USH1C: variants seen among roughly 807,000 people sequenced by gnomAD.
USH1C encodes USH1 protein network component harmonin.
A neutral mutation model predicts 119.3 loss-of-function variants in USH1C; 90 were observed. The observed-to-expected ratio is 0.75, with a 90% CI of 0.64 to 0.90. The LOEUF is 0.90. Among genes scored for constraint, USH1C ranks in the 40% least tolerant of loss-of-function variants. The probability of loss-of-function intolerance (pLI) is 0.00; values close to 1 mark genes in which losing one functional copy is unlikely to be tolerated. For synonymous variants in USH1C, 465 were observed against 443.3 expected, an observed-to-expected ratio of 1.05 and a Z score of -0.62; for missense variants, 1,165 against 1,167.7, an observed-to-expected ratio of 1.00 and a Z score of 0.03.
chr11:17,535,679 C>T (rs1364322578), intron 1 of USH1C, among the ~76,000 whole-genome samples: 1 of 152,120 alleles, frequency 6.6e-6, no homozygotes, highest in Non-Finnish European at 1.5e-5. Context: ...AGGGAGGTAA[C>T]CATGGGAACA....
At chr11:17,513,259 A>T (rs1320072579) in intron 15 of USH1C, among the ~76,000 whole-genome samples, 2 of 152,280 alleles carry the variant, frequency 1.3e-5, no homozygotes, top group East Asian at 3.9e-4. Context: ...GCGAGCATTC[A>T]GGAGAGGGGC....
chr11:17,509,247 A>G, intron 18 of USH1C, 109 bp downstream of exon 18: 1 of 1,424,018 alleles, frequency 7.0e-7, no homozygotes, highest in Non-Finnish European at 9.3e-7. Context: ...ATGGGGTGAG[A>G]TGATGTTTCT....
intron 1 of USH1C, among the ~76,000 whole-genome samples, chr11:17,538,742 G>A (rs1370547929): frequency 6.6e-6 from 1 of 152,152 alleles, no homozygotes; most frequent in African/African-American, 2.4e-5. Flanking sequence ...CAGCCATCGG[G>A]AGGCACAAGC....
chr11:17,543,731 G>T (rs943208744), intron 1 of USH1C, among the ~76,000 whole-genome samples: 1 of 152,126 alleles, frequency 6.6e-6, no homozygotes, highest in East Asian at 1.9e-4. Context: ...CCGCACCCGG[G>T]TCAGCACCAG....
chr11:17,539,609 G>C (rs1419098527), intron 1 of USH1C, among the ~76,000 whole-genome samples: 1 of 152,128 alleles, frequency 6.6e-6, no homozygotes, highest in Non-Finnish European at 1.5e-5. Context: ...TGGGCAGCGA[G>C]TGGCCCTCTG....
intron 25 of USH1C, among the ~76,000 whole-genome samples, chr11:17,496,194 CAGAG>C (rs1849243812): frequency 6.6e-6 from 1 of 151,824 alleles, no homozygotes; most frequent in Non-Finnish European, 1.5e-5. Context: ...GAAAGAAAGA[CAGAG>C]AGGGAGGAGG....
chr11:17,495,835 A>T (rs199729056), intron 25 of USH1C, among the ~76,000 whole-genome samples, 158 bp from the exon 26 acceptor site: 1 of 37,318 alleles, frequency 2.7e-5, no homozygotes, highest in African/African-American at 6.7e-5. Context: ...TCTCCAAGAC[A>T]TGTGTAGAGC....
At chr11:17,528,557 C>T (rs895194224) in intron 4 of USH1C, among the ~76,000 whole-genome samples, 4 of 152,232 alleles carry the variant, frequency 2.6e-5, no homozygotes, top group African/African-American at 9.6e-5. Flanking sequence ...CACACGTGCT[C>T]ACCCTTTGGA....
Position 17,531,527 on chromosome 11 carries a change from G to C in USH1C, c.120C>G (p.Ala40=). Residue 40 remains alanine, a synonymous_variant, in exon 3 of 27, where the codon GCC becomes GCG. Transcript: ENST00000005226. The surrounding 1 kb of genome is among the most constrained non-coding windows in gnomAD (Gnocchi z 4.2). Reference sequence around the variant, plus strand: ...CCAGCTTCAGGTCTCCCACGAGCACGGCCACGTCCATGGTCCTGTGGAGAT... The same window carrying C: ...CCAGCTTCAGGTCTCCCACGAGCACCGCCACGTCCATGGTCCTGTGGAGAT... ...LRMYHQTMDV[A]VLVGDLKLVI... 1 of 1,613,390 alleles carries C rather than the reference G, an allele frequency of 6.2e-7. No individual in the cohort carries two copies. The highest frequency in any genetic ancestry group is 1.1e-5 in the South Asian group (1 of 91,040).
At chr11:17,501,634 C>T (rs1849450991) in intron 21 of USH1C, 99 bp from the exon 22 acceptor site, 5 of 1,358,080 alleles carry the variant, frequency 3.7e-6, no homozygotes, top group Non-Finnish European at 5.1e-6. Context: ...GGACACTGGG[C>T]CCCACAGAGC....
chr11:17,510,417 A>G lies in USH1C; in HGVS notation c.1518T>C (p.Asn506=), dbSNP rs2133822025. ...AGGGCTCTGTTACCTCTGAAATCTC[A>G]TTATCAGCAGAGGAAATCTGCTCGA... ...TRLEQISSAD[N]EISEMTTGPP... Residue 506 remains asparagine (N), a synonymous_variant, in exon 17 of 27, where the codon AAT becomes AAC. Coordinates refer to ENST00000005226, the MANE Select transcript of USH1C (RefSeq NM_153676.4). The G allele has an allele frequency of 6.2e-7, 1 of 1,611,170 alleles. No homozygotes were observed. Among genetic ancestry groups the G allele is most frequent in the Non-Finnish European group, 8.5e-7 (1 of 1,178,830 alleles).
At chr11:17,507,770 C>T (rs1195761179) in intron 18 of USH1C, among the ~76,000 whole-genome samples, 1 of 152,118 alleles carries the variant, frequency 6.6e-6, no homozygotes, top group African/African-American at 2.4e-5. Context: ...CTCCCTGCTA[C>T]TCCAACTTGC....
intron 20 of USH1C, among the ~76,000 whole-genome samples, chr11:17,502,905 C>T (rs1318803584): frequency 6.6e-6 from 1 of 152,148 alleles, no homozygotes; most frequent in Admixed American, 6.5e-5. Context: ...TGGCAGGCCT[C>T]GCCAGACTGA....
chr11:17,516,164 A>C (rs1303752168), intron 15 of USH1C, 77 bp downstream of exon 15: 2 of 1,505,490 alleles, frequency 1.3e-6, no homozygotes, highest in African/African-American at 1.4e-5. Flanking sequence ...TGTTGATAGG[A>C]CAAGGAATGT....
At position 17,527,256 on chromosome 11, in the gene USH1C, G is replaced by A. The variant is rs377145777; in HGVS notation, c.463C>T (p.Arg155Ter). The A allele has an allele frequency of 6.8e-6, 11 of 1,610,968 alleles. No individual in the cohort carries two copies. Among genetic ancestry groups the A allele is most frequent in the Non-Finnish European group, 9.3e-6 (11 of 1,179,184 alleles). Reference protein sequence around the residue: ...CTHEEVINLIRTKKTVSIKVR... With the variant: ...CTHEEVINLI ...TTGATGGACACAGTTTTCTTGGTTC[G>A]AATGAGGTTGATGACCTCCTCATGG... Residue 155 changes from arginine to a stop codon, truncating the protein, a stop_gained, in exon 5 of 27, where the codon CGA (arginine) becomes TGA (stop). Transcript: ENST00000005226. LOFTEE classifies it high-confidence loss of function.
chr11:17,496,697 G>T, intron 25 of USH1C, 61 bp downstream of exon 25: 1 of 1,602,044 alleles, frequency 6.2e-7, no homozygotes, highest in South Asian at 1.1e-5. Flanking sequence ...GCTGGAGAAA[G>T]GTGGCTGAGA....
intron 1 of USH1C, among the ~76,000 whole-genome samples, chr11:17,539,120 A>C (rs951224599): frequency 6.6e-6 from 1 of 152,022 alleles, no homozygotes; most frequent in Non-Finnish European, 1.5e-5. Flanking sequence ...CTCCTCCTCT[A>C]TCTTTAAGAC....
At position 17,510,529 on chromosome 11, in the gene USH1C, C is replaced by G. The variant is rs759953340; in HGVS notation, c.1414-8G>C. The G allele has an allele frequency of 1.2e-6, 2 of 1,604,140 alleles. No individual in the cohort carries two copies. Among genetic ancestry groups the G allele is most frequent in the African/African-American group, 2.7e-5 (2 of 74,682 alleles). On this transcript the variant is annotated splice_polypyrimidine_tract_variant and splice_region_variant and intron_variant, in intron 16 of 26. Transcript: ENST00000005226. The stretch of plus-strand genomic sequence containing the variant: ...CCGCTCTGTCTCAGACACCTGGGAC[C>G]CAGGATCGGCGCAGAAAGGAGAGGA...
rs942402490 is a variant in USH1C, at chr11:17,504,573, G to C, written c.2184+74C>G. On this transcript the variant is annotated intron_variant, in intron 20 of 26. Coordinates refer to ENST00000005226, the MANE Select transcript of USH1C (RefSeq NM_153676.4). ...GGACCTGACCAGGTACTCCCAGAGA[G>C]AAAGAAGTGGCACAGAGTGGGAGGG... 2.0e-6 allele frequency: 3 copies of C among 1,538,298 alleles called. No individual in the cohort carries two copies. In the African/African-American group the frequency reaches 4.1e-5, roughly 21 times the overall value.
Sources: gnomAD v4.1 joint callset for allele counts (sites outside exome capture counted in the v4.1 genomes callset) on GRCh38, gnomAD v4.1.1 for gene constraint, Gnocchi (gnomAD v3.1) non-coding constraint, MANE v1.5 for transcripts, NCBI Gene and HGNC (gene_info 2026-07-23, HGNC 2026-07-21) for gene names.